Variants in GNB1L observed in about 807,000 individuals in gnomAD.
GNB1L encodes the protein guanine nucleotide-binding protein subunit beta-like protein 1.
A neutral mutation model predicts 29.1 loss-of-function variants in GNB1L; 20 were observed. The observed-to-expected ratio is 0.69, with a 90% CI of 0.48 to 1.00. The LOEUF (loss-of-function observed/expected upper bound fraction) is 1.00. Ranked by LOEUF, GNB1L falls within the 50% of genes least tolerant of loss-of-function variation. The pLI, the probability that GNB1L is intolerant of heterozygous loss-of-function variation, is 0.00. For missense variants in GNB1L, 421 were observed against 464.9 expected, an observed-to-expected ratio of 0.91 and a Z score of 0.87; for synonymous variants, 193 against 206.5, an observed-to-expected ratio of 0.93 and a Z score of 0.56.
intron 7 of GNB1L, among the ~76,000 whole-genome samples, chr22:19,795,820 G>A (rs1391080517): frequency 6.6e-6 from 1 of 152,168 alleles, no homozygotes; most frequent in Non-Finnish European, 1.5e-5. Flanking sequence ...AGCTGCTGCT[G>A]CTCAGAGAAC....
At chr22:19,792,486 C>T (rs1028293872) in intron 7 of GNB1L, 18 of 1,568,560 alleles carry the variant, frequency 1.1e-5, no homozygotes, top group Middle Eastern at 2.2e-4. Context: ...CAGGTTGCAG[C>T]GGCAGAGAGC....
chr22:19,847,047 T>G (rs544633079), intron 2 of GNB1L: 1 of 985,484 alleles, frequency 1.0e-6, no homozygotes, highest in African/African-American at 1.7e-5. Flanking sequence ...GATGATCAGC[T>G]GCTGCCGTCC....
In GNB1L at chr22:19,816,992, G is replaced by A. The variant is rs1190691998; in HGVS notation, c.254+3606C>T. Among the ~76,000 whole-genome samples, 2 of 152,204 alleles carry A rather than the reference G, an allele frequency of 1.3e-5. No individual in the cohort carries two copies. Among genetic ancestry groups the A allele is most frequent in the African/African-American group, 4.8e-5 (2 of 41,440 alleles). The stretch of plus-strand genomic sequence containing the variant: ...CGCTGGGTACCCACATGGAAACCCA[G>A]GGCCTTCACTGCACACCGTAGTGAA... On this transcript the variant is annotated intron_variant, in intron 4 of 7. Coordinates refer to ENST00000329517, the MANE Select transcript of GNB1L (RefSeq NM_053004.3). This position sits in a 1 kb window ranked among gnomAD's most constrained non-coding sequence, Gnocchi z 4.4.
At position 19,785,276 on chromosome 22, in the gene GNB1L, C is replaced by T. The variant is rs1356672354; in HGVS notation, c.*3433G>A. 1 of 152,076 alleles carries T rather than the reference C, an allele frequency of 6.6e-6. No individual in the cohort carries two copies. 9.4% of individuals were successfully genotyped at this position (152,076 alleles called of 1,614,324 possible). ...AATTAGCTGGGCATGATGGCCTGCA[C>T]CTATGTGGGTGGTCCTGAGCTTCTC... On this transcript the variant is annotated 3_prime_UTR_variant, in exon 8 of 8. Coordinates refer to ENST00000329517, the MANE Select transcript of GNB1L (RefSeq NM_053004.3). This position sits in a 1 kb window ranked among gnomAD's most constrained non-coding sequence, Gnocchi z 4.1.
At chr22:19,851,678 G>T (rs766745486) in intron 2 of GNB1L, 1 of 1,596,710 alleles carries the variant, frequency 6.3e-7, no homozygotes, top group Admixed American at 1.7e-5. Context: ...CAGGGGCAGG[G>T]GACAGGTAAC....
intron 4 of GNB1L, among the ~76,000 whole-genome samples, chr22:19,819,873 C>T (rs551320168): frequency 2.0e-5 from 3 of 152,256 alleles, no homozygotes; most frequent in South Asian, 2.1e-4. Context: ...ACTTCAGAAA[C>T]GCAGAAGCAC....
At chr22:19,826,478 A>G (rs554201592) in intron 2 of GNB1L, among the ~76,000 whole-genome samples, 1 of 152,338 alleles carries the variant, frequency 6.6e-6, no homozygotes, top group South Asian at 2.1e-4. Context: ...AACTAGACCC[A>G]CAGAGCAGAG....
At chr22:19,792,365 T>G in intron 7 of GNB1L, 1 of 1,365,462 alleles carries the variant, frequency 7.3e-7, no homozygotes, top group South Asian at 1.2e-5. Flanking sequence ...AGCAGGAGGC[T>G]AAGAAAGTGG....
intron 2 of GNB1L, among the ~76,000 whole-genome samples, chr22:19,831,955 G>A (rs1189289164): frequency 6.6e-6 from 1 of 152,166 alleles, no homozygotes; most frequent in Non-Finnish European, 1.5e-5. Flanking sequence ...AAAGCTTCTT[G>A]TTCTGGCAGG....
intron 6 of GNB1L, among the ~76,000 whole-genome samples, chr22:19,804,074 C>G (rs1874264607): frequency 1.3e-5 from 2 of 152,256 alleles, no homozygotes; most frequent in Admixed American, 1.3e-4. Flanking sequence ...CCAACCTGGC[C>G]TGGAGGGGCT....
intron 5 of GNB1L, among the ~76,000 whole-genome samples, chr22:19,811,257 C>T (rs1937496897): frequency 6.6e-6 from 1 of 152,208 alleles, no homozygotes; most frequent in South Asian, 2.1e-4. Context: ...TGGGCAGGGG[C>T]CAAGCCCAAC....
intron 7 of GNB1L, chr22:19,793,086 C>T (rs1418290954): frequency 6.4e-7 from 1 of 1,564,408 alleles, no homozygotes; most frequent in Non-Finnish European, 8.7e-7. Context: ...TGCCACTAAA[C>T]TGGGTTAAAT....
chr22:19,850,974 G>A (rs2145905878), intron 2 of GNB1L: 1 of 1,408,774 alleles, frequency 7.1e-7, no homozygotes, highest in East Asian at 2.5e-5. Flanking sequence ...GCACAGGGCG[G>A]AGGTCAAGCT....
chr22:19,810,262 A>G (rs750977199), intron 5 of GNB1L, among the ~76,000 whole-genome samples: 1 of 152,140 alleles, frequency 6.6e-6, no homozygotes, highest in Non-Finnish European at 1.5e-5. Context: ...ACGGCCATAC[A>G]CAGTCCCCAA....
At chr22:19,833,408 A>G (rs1251220137) in intron 2 of GNB1L, among the ~76,000 whole-genome samples, 1 of 152,210 alleles carries the variant, frequency 6.6e-6, no homozygotes, top group South Asian at 2.1e-4. Flanking sequence ...GGGAGATGAC[A>G]GAGTGACATA....
chr22:19,851,588 A>G, intron 2 of GNB1L: 2 of 1,602,688 alleles, frequency 1.2e-6, no homozygotes, highest in Non-Finnish European at 8.5e-7. Context: ...ACCCATGTCG[A>G]GTGCCAGGCC....
chr22:19,817,098 C>G (rs1243004950), intron 4 of GNB1L, among the ~76,000 whole-genome samples: 4 of 152,202 alleles, frequency 2.6e-5, no homozygotes, highest in Non-Finnish European at 5.9e-5. Context: ...GACCTCGGTG[C>G]AGGAACTCCC....
At position 19,830,721 on chromosome 22, in the gene GNB1L, G is replaced by A. The variant is rs578111579; in HGVS notation, c.-20-9346C>T. Among the ~76,000 whole-genome samples the A allele has an allele frequency of 9.8e-5, 15 of 152,288 alleles. No individual in the cohort carries two copies. The South Asian group carries it at 2.7e-3, about 27-fold the overall frequency. ...AACACTCACTTGGATAAACAAAAATGTAGCATGCACAGAAAAACATGGGGA... is the reference window on the plus strand; with the variant it reads ...AACACTCACTTGGATAAACAAAAATATAGCATGCACAGAAAAACATGGGGA... On this transcript the variant is annotated intron_variant, in intron 2 of 7. Coordinates refer to ENST00000329517, the MANE Select transcript of GNB1L (RefSeq NM_053004.3).
chr22:19,839,251 C>T (rs921992235), intron 2 of GNB1L, among the ~76,000 whole-genome samples: 4 of 152,022 alleles, frequency 2.6e-5, no homozygotes, highest in Admixed American at 6.5e-5. Context: ...TCACTGTAAG[C>T]GCACACAATA....
Sources: allele counts gnomAD v4.1 joint callset (sites outside exome capture counted in the v4.1 genomes callset), GRCh38; gene constraint gnomAD v4.1.1; non-coding constraint Gnocchi (gnomAD v3.1); transcripts MANE v1.5; gene names NCBI Gene and HGNC (gene_info 2026-07-23, HGNC 2026-07-21).